Variants in CRYBB3 observed in about 807,000 individuals in gnomAD.
The protein encoded by CRYBB3 is beta-crystallin B3.
In CRYBB3, 35 loss-of-function variants were observed where a neutral mutation model predicts 28.3. That is an observed-to-expected ratio of 1.24 (90% CI 0.95 to 1.64). The LOEUF is 1.64. Among genes scored for constraint, CRYBB3 ranks in the 40% most tolerant of loss-of-function variants. CRYBB3 has a pLI of 0.00. For synonymous variants in CRYBB3, 106 were observed against 110.4 expected (o/e 0.96, Z 0.25); for missense variants, 296 against 297.4 (o/e 1.00, Z 0.04).
intron 5 of CRYBB3, among the ~76,000 whole-genome samples, chr22:25,206,197 A>G (rs1215202934): frequency 2.6e-5 from 4 of 152,112 alleles, no homozygotes; most frequent in Admixed American, 2.0e-4. Flanking sequence ...CTGAACATCT[A>G]CTATATGCTG....
In CRYBB3 at chr22:25,203,833, T is replaced by C; in HGVS notation, c.265T>C (p.Trp89Arg). Residue 89 changes from tryptophan to arginine, a missense_variant, in exon 4 of 6, where the codon TGG becomes CGG. By Grantham distance (101) the Trp-to-Arg change is moderately radical. Coordinates refer to ENST00000215855, the MANE Select transcript of CRYBB3 (RefSeq NM_004076.5). ...TCTGGAGAAGGGGGATTATCCTCGC[T>C]GGGATGCCTGGTCCAACAGCCGTGA... ...FVLEKGDYPRWDAWSNSRDSD... is the reference protein window; with the variant it reads ...FVLEKGDYPRRDAWSNSRDSD... The C allele has an allele frequency of 6.2e-7, 1 of 1,614,220 alleles. No homozygotes were observed. Among genetic ancestry groups the C allele is most frequent in the East Asian group, 2.2e-5 (1 of 44,884 alleles).
Position 25,203,831 on chromosome 22 carries a change from G to T in CRYBB3, c.263G>T (p.Arg88Leu), listed in dbSNP as rs138167578. ...QFVLEKGDYP[R>L]WDAWSNSRDS... ...GTTCTGGAGAAGGGGGATTATCCTC[G>T]CTGGGATGCCTGGTCCAACAGCCGT... The change falls in exon 4 of 6, where the codon CGC becomes CTC. Residue 88 changes from arginine (R) to leucine (L), a missense_variant. Physicochemically the swap from Arg to Leu is moderately radical, Grantham distance 102. Transcript: ENST00000215855. The T allele has an allele frequency of 3.7e-6, 6 of 1,614,064 alleles. No homozygotes were observed. The highest frequency in any genetic ancestry group is 1.3e-5 in the African/African-American group (1 of 74,918).
intron 4 of CRYBB3, 26 bp from the exon 5 acceptor site, chr22:25,205,194 C>T (rs766234064): frequency 1.3e-5 from 21 of 1,613,012 alleles, no homozygotes; most frequent in Non-Finnish European, 1.6e-5. Flanking sequence ...TGGGAGCAGC[C>T]GCTCACCCCA....
intron 4 of CRYBB3, 45 bp from the exon 5 acceptor site, chr22:25,205,175 T>C (rs747602989): frequency 1.9e-6 from 3 of 1,611,910 alleles, no homozygotes; most frequent in Non-Finnish European, 2.5e-6. Flanking sequence ...TTGACCTCTG[T>C]TCTGGATATG....
At position 25,202,713 on chromosome 22, in the gene CRYBB3, T is replaced by TG; in HGVS notation, c.116dup (p.Cys39TrpfsTer32). On this transcript the variant is annotated frameshift_variant, in exon 3 of 6. Transcript: ENST00000215855. LOFTEE classifies it high-confidence loss of function. ...ACTAGAGAACTTCCAAGGCAAACGC[T>TG]GCGAGCTCTCGGCCGAGTGCCCCAG... is the stretch of plus-strand genomic sequence containing the variant. The TG allele has an allele frequency of 6.2e-7, 1 of 1,614,116 alleles. No homozygotes were observed. Among genetic ancestry groups the TG allele is most frequent in the Non-Finnish European group, 8.5e-7 (1 of 1,180,004 alleles).
intron 1 of CRYBB3, among the ~76,000 whole-genome samples, chr22:25,200,429 C>T (rs1934924375): frequency 6.6e-6 from 1 of 151,340 alleles, no homozygotes; most frequent in South Asian, 2.1e-4. Flanking sequence ...CTGAAATGGG[C>T]AGGGATGTGT....
In CRYBB3 at chr22:25,205,251, A is replaced by C. The variant is rs1935012279; in HGVS notation, c.359A>C (p.Glu120Ala). 6.2e-7 allele frequency: 1 copy of C among 1,614,092 alleles called. No homozygotes were observed. Among genetic ancestry groups the C allele is most frequent in the Admixed American group, 1.7e-5 (1 of 60,010 alleles). The change falls in exon 5 of 6, where the codon GAG becomes GCG. Residue 120 changes from glutamate to alanine, a missense_variant. By Grantham distance (107) the Glu-to-Ala change is moderately radical. Transcript: ENST00000215855. ...DSPHHKLHLF[E>A]NPAFSGRKME... ...CCACATCACAAGCTGCATCTGTTTG[A>C]GAACCCAGCTTTCAGTGGCCGCAAG...
chr22:25,205,585 G>A (rs969677987), intron 5 of CRYBB3, among the ~76,000 whole-genome samples: 5 of 151,880 alleles, frequency 3.3e-5, no homozygotes, highest in South Asian at 2.1e-4. Flanking sequence ...TCAGCCTCCC[G>A]AGTAGCTGGG....
At position 25,207,308 on chromosome 22, in the gene CRYBB3, C is replaced by A; in HGVS notation, c.*96C>A. 2 of 1,102,156 alleles carry A rather than the reference C, an allele frequency of 1.8e-6. No individual in the cohort carries two copies. Among genetic ancestry groups the A allele is most frequent in the Non-Finnish European group, 2.6e-6 (2 of 776,830 alleles). The allele number at this position is 1,102,156 out of a possible 1,614,324, so 68.3% of individuals were successfully genotyped here. On this transcript the variant is annotated 3_prime_UTR_variant, in exon 6 of 6. Transcript: ENST00000215855. ...GTTGGGGCGAGGGCCGACCTGTCCA[C>A]CCTTCCCTGGAATCTGCTCAATAAA...
In CRYBB3 at chr22:25,207,122, T is replaced by A. The variant is rs1290227354; in HGVS notation, c.546T>A (p.Asn182Lys). 1 of 1,613,470 alleles carries A rather than the reference T, an allele frequency of 6.2e-7. No individual in the cohort carries two copies. Among genetic ancestry groups the A allele is most frequent in the Admixed American group, 1.7e-5 (1 of 60,008 alleles). ...VFERGEYRHWNEWDASQPQLQ... is the reference protein window; with the variant it reads ...VFERGEYRHWKEWDASQPQLQ... ...AGCGGGGCGAGTACCGCCACTGGAA[T>A]GAGTGGGACGCCAGCCAGCCGCAGC... Residue 182 changes from asparagine (N) to lysine (K), a missense_variant, in exon 6 of 6, where the codon AAT becomes AAA. Coordinates refer to ENST00000215855, the MANE Select transcript of CRYBB3 (RefSeq NM_004076.5).
intron 5 of CRYBB3, among the ~76,000 whole-genome samples, chr22:25,206,330 G>A (rs1421936063): frequency 6.6e-6 from 1 of 152,126 alleles, no homozygotes; most frequent in Non-Finnish European, 1.5e-5. Context: ...GATCACCTGA[G>A]GTCAGGAGTT....
At position 25,207,046 on chromosome 22, in the gene CRYBB3, G is replaced by A. The variant is rs759900909; in HGVS notation, c.471-1G>A. On this transcript the variant is annotated splice_acceptor_variant, in intron 5 of 5. Transcript: ENST00000215855. LOFTEE classifies it high-confidence loss of function. ...ACATCTCAACCTTGGTCTCCCGGCA[G>A]GTGGGTTGGCTATGAGTTCCCCGGC... The A allele has an allele frequency of 1.2e-6, 2 of 1,612,572 alleles. No homozygotes were observed. Among genetic ancestry groups the A allele is most frequent in the South Asian group, 1.1e-5 (1 of 91,070 alleles).
At chr22:25,203,642 G>A in intron 3 of CRYBB3, 121 bp from the exon 4 acceptor site, 2 of 1,093,454 alleles carry the variant, frequency 1.8e-6, no homozygotes, top group Non-Finnish European at 2.8e-6. Flanking sequence ...GGAATTAGCA[G>A]TAGGGTTGGA....
chr22:25,200,412 T>C (rs1007398171), intron 1 of CRYBB3, among the ~76,000 whole-genome samples: 6 of 140,416 alleles, frequency 4.3e-5, no homozygotes, highest in Non-Finnish European at 9.5e-5. Context: ...TTTACCACTG[T>C]GGATGTCTGA....
At chr22:25,201,494 G>C in intron 2 of CRYBB3, 23 bp downstream of exon 2, 1 of 1,610,922 alleles carries the variant, frequency 6.2e-7, no homozygotes, top group Non-Finnish European at 8.5e-7. Context: ...GAGGGGGTCA[G>C]AGGGCCCAGG....
In CRYBB3 at chr22:25,207,341, G is replaced by T; in HGVS notation, c.*129G>T. On this transcript the variant is annotated 3_prime_UTR_variant, in exon 6 of 6. Coordinates refer to ENST00000215855, the MANE Select transcript of CRYBB3 (RefSeq NM_004076.5). Reference sequence around the variant, plus strand: ...TGGAATCTGCTCAATAAAGCCTGGGGTTGGTCCCCCACCCGCCACGTTCCT... The same window carrying T: ...TGGAATCTGCTCAATAAAGCCTGGGTTTGGTCCCCCACCCGCCACGTTCCT... 7 of 838,514 alleles carry T rather than the reference G, an allele frequency of 8.3e-6. No individual in the cohort carries two copies. The South Asian group carries it at 8.9e-5, about 11-fold the overall frequency. 51.9% of individuals were successfully genotyped at this position (838,514 alleles called of 1,614,324 possible).
Position 25,205,246 on chromosome 22 carries a change from G to A in CRYBB3, c.354G>A (p.Leu118=). The change falls in exon 5 of 6, where the codon CTG becomes CTA. Residue 118 remains leucine (L), a synonymous_variant. Transcript: ENST00000215855. ...NIDSPHHKLH[L]FENPAFSGRK... ...ATAGTCCACATCACAAGCTGCATCTGTTTGAGAACCCAGCTTTCAGTGGCC... is the reference window on the plus strand; with the variant it reads ...ATAGTCCACATCACAAGCTGCATCTATTTGAGAACCCAGCTTTCAGTGGCC... 6.2e-7 allele frequency: 1 copy of A among 1,614,074 alleles called. No individual in the cohort carries two copies. Among genetic ancestry groups the A allele is most frequent in the Non-Finnish European group, 8.5e-7 (1 of 1,180,010 alleles).
At chr22:25,201,634 A>AGAAACTTGCTTC (rs1323845371) in intron 2 of CRYBB3, among the ~76,000 whole-genome samples, 163 bp downstream of exon 2, 3 of 152,186 alleles carry the variant, frequency 2.0e-5, no homozygotes, top group Non-Finnish European at 4.4e-5. Flanking sequence ...CCCTCCCGTT[A>AGAAACTTGCTTC]GAAACTTGCT....
Position 25,207,169 on chromosome 22 carries a change from G to A in CRYBB3, c.593G>A (p.Arg198His), listed in dbSNP as rs201949776. 44 of 1,613,740 alleles carry A rather than the reference G, an allele frequency of 2.7e-5. No homozygotes were observed. The East Asian group carries it at 4.2e-4, about 16-fold the overall frequency. Residue 198 changes from arginine (R) to histidine (H), a missense_variant, in exon 6 of 6, where the codon CGT becomes CAT. Coordinates refer to ENST00000215855, the MANE Select transcript of CRYBB3 (RefSeq NM_004076.5). ...QPQLQSVRRI[R>H]DQKWHKRGRF... Reference sequence around the variant, plus strand: ...CAGCTGCAGTCTGTGCGCCGCATCCGTGACCAGAAGTGGCACAAGCGGGGC... The same window carrying A: ...CAGCTGCAGTCTGTGCGCCGCATCCATGACCAGAAGTGGCACAAGCGGGGC...
Sources: gnomAD v4.1 joint callset for allele counts (sites outside exome capture counted in the v4.1 genomes callset) on GRCh38, gnomAD v4.1.1 for gene constraint, MANE v1.5 for transcripts, NCBI Gene and HGNC (gene_info 2026-07-23, HGNC 2026-07-21) for gene names.